The following OBP2B variants were observed in gnomAD, a reference collection of about 807,000 sequenced individuals.
The protein encoded by OBP2B is odorant-binding protein 2b.
A neutral mutation model predicts 21.7 loss-of-function variants in OBP2B; 10 were observed. That is an observed-to-expected ratio of 0.46 (90% CI 0.28 to 0.78). The LOEUF (loss-of-function observed/expected upper bound fraction) is 0.78, where lower values mean the gene tolerates loss of function less well. Ranked by LOEUF, OBP2B falls within the 30% of genes least tolerant of loss-of-function variation. The pLI, the probability that OBP2B is intolerant of heterozygous loss-of-function variation, is 0.11. For missense variants in OBP2B, 153 were observed against 217.7 expected, an observed-to-expected ratio of 0.70 and a Z score of 1.87; for synonymous variants, 73 against 91.5, an observed-to-expected ratio of 0.80 and a Z score of 1.16.
upstream of OBP2B, among the ~76,000 whole-genome samples, chr9:133,210,939 T>A (rs1833904950): frequency 6.6e-6 from 1 of 152,132 alleles, no homozygotes; most frequent in African/African-American, 2.4e-5. Flanking sequence ...CTGGGGCACT[T>A]CTCTGGATGG....
At position 133,208,373 on chromosome 9, in the gene OBP2B, C is replaced by T. The variant is rs1833812847; in HGVS notation, c.206+96G>A. Reference sequence around the variant, plus strand: ...CCTCCAAGGCAGGGGGTGACTCTTCCCAACACCCGAAACGTGGATGGGGCA... The same window carrying T: ...CCTCCAAGGCAGGGGGTGACTCTTCTCAACACCCGAAACGTGGATGGGGCA... On this transcript the variant is annotated intron_variant, in intron 2 of 6. Transcript: ENST00000372034. 5 of 1,600,616 alleles carry T rather than the reference C, an allele frequency of 3.1e-6. No individual in the cohort carries two copies. The African/African-American group carries it at 4.0e-5, about 13-fold the overall frequency.
At chr9:133,208,975 G>A (rs1833846259) in intron 1 of OBP2B, among the ~76,000 whole-genome samples, 153 bp downstream of exon 1, 1 of 152,034 alleles carries the variant, frequency 6.6e-6, no homozygotes, top group Non-Finnish European at 1.5e-5. Context: ...GTCTGCTGGA[G>A]GAACAATAGG....
chr9:133,216,085 A>G, the OBP2B span, among the ~76,000 whole-genome samples: 5 of 152,272 alleles, frequency 3.3e-5, no homozygotes, highest in South Asian at 8.3e-4. Flanking sequence ...AATTGTTAAA[A>G]TAGACTTCAT....
In OBP2B at chr9:133,208,137, G is replaced by T. The variant is rs138075975; in HGVS notation, c.273C>A (p.Ser91Arg). ...MRKTEEPGKY[S>R]AYGGRKLMYL... ...GGGAGTGGGGGAGGGGCTCACAGGC[G>T]CTGTATTTGCCAGGCTCCTCCGTCT... is the stretch of plus-strand genomic sequence containing the variant. Residue 91 changes from serine to arginine, a missense_variant, in exon 3 of 7, where the codon AGC becomes AGA. Around this residue, in one of 2 missense-constraint regions of OBP2B, gnomAD observed 151 missense variants for 186.3 expected, o/e 0.81. Coordinates refer to ENST00000372034, the MANE Select transcript of OBP2B (RefSeq NM_014581.4). 6.2e-7 allele frequency: 1 copy of T among 1,610,644 alleles called. No individual in the cohort carries two copies. The highest frequency in any genetic ancestry group is 8.5e-7 in the Non-Finnish European group (1 of 1,179,530).
At chr9:133,218,637 C>A in the OBP2B span, among the ~76,000 whole-genome samples, 2 of 152,170 alleles carry the variant, frequency 1.3e-5, no homozygotes. Flanking sequence ...TGGACACAGA[C>A]AGCGCAGGCT....
At position 133,206,573 on chromosome 9, in the gene OBP2B, A is replaced by G. The variant is rs553170814; in HGVS notation, c.389-157T>C. On this transcript the variant is annotated intron_variant, in intron 4 of 6. Transcript: ENST00000372034. The stretch of plus-strand genomic sequence containing the variant: ...GGGGGTGGGGCTGGGGACAGAGGAG[A>G]TGGCCACTGCCCAGCACCAGGACAA... 1.9e-5 allele frequency: 17 copies of G among 879,076 alleles called. No individual in the cohort carries two copies. The South Asian group carries it at 2.8e-4, about 15-fold the overall frequency. The allele number at this position is 879,076 out of a possible 1,614,324, so 54.5% of individuals were successfully genotyped here.
At position 133,207,350 on chromosome 9, in the gene OBP2B, A is replaced by C; in HGVS notation, c.278-14T>G. ...TCCTGCCCCCATCTGTAGATGACAG[A>C]GAAAATGGGTCATTCCCAGAGAGAA... On this transcript the variant is annotated splice_polypyrimidine_tract_variant and intron_variant, in intron 3 of 6. Coordinates refer to ENST00000372034, the MANE Select transcript of OBP2B (RefSeq NM_014581.4). The C allele has an allele frequency of 6.5e-7, 1 of 1,538,592 alleles. No individual in the cohort carries two copies. Among genetic ancestry groups the C allele is most frequent in the Non-Finnish European group, 9.0e-7 (1 of 1,112,688 alleles).
chr9:133,206,734 G>A (rs1324521219), intron 4 of OBP2B, among the ~76,000 whole-genome samples: 1 of 151,848 alleles, frequency 6.6e-6, no homozygotes, highest in Non-Finnish European at 1.5e-5. Context: ...TGGGGACAGA[G>A]GAGACAGTCA....
At chr9:133,220,797 C>T in the OBP2B span, among the ~76,000 whole-genome samples, 2 of 152,168 alleles carry the variant, frequency 1.3e-5, no homozygotes, top group Non-Finnish European at 2.9e-5. Flanking sequence ...TCTGGGTGGG[C>T]CCACTGTTAT....
chr9:133,211,216 G>A (rs1833912421), upstream of OBP2B, among the ~76,000 whole-genome samples: 1 of 152,242 alleles, frequency 6.6e-6, no homozygotes, highest in Admixed American at 6.5e-5. Context: ...AAGGAGCAGA[G>A]TGGGAGCTTA....
At chr9:133,207,861 C>T (rs1833789413) in intron 3 of OBP2B, 2 of 1,516,016 alleles carry the variant, frequency 1.3e-6, no homozygotes, top group African/African-American at 1.4e-5. Flanking sequence ...CCTCCTTGTC[C>T]CAATCCTCAG....
the OBP2B span, among the ~76,000 whole-genome samples, chr9:133,222,887 A>C: frequency 0.095 from 14,392 of 151,054 alleles, 1,841 homozygotes; most frequent in African/African-American, 0.29. Flanking sequence ...CCTGACCAGC[A>C]CTCTGTAACT....
At position 133,208,580 on chromosome 9, in the gene OBP2B, T is replaced by C. The variant is rs1217491742; in HGVS notation, c.95A>G (p.Lys32Arg). ...EEDITGTWYV[K>R]AMVVDKDFPE... Reference sequence around the variant, plus strand: ...AAAGTCCTTATCGACCACCATGGCCTTCACGTACCAGGTCCCTGTGATCTG... The same window carrying C: ...AAAGTCCTTATCGACCACCATGGCCCTCACGTACCAGGTCCCTGTGATCTG... Residue 32 changes from lysine (K) to arginine (R), a missense_variant, in exon 2 of 7, where the codon AAG becomes AGG. Coordinates refer to ENST00000372034, the MANE Select transcript of OBP2B (RefSeq NM_014581.4). The C allele has an allele frequency of 2.5e-6, 4 of 1,611,564 alleles. No individual in the cohort carries two copies. In the African/African-American group the frequency reaches 5.3e-5, roughly 22 times the overall value.
chr9:133,222,326 G>A, the OBP2B span, among the ~76,000 whole-genome samples: 1 of 152,242 alleles, frequency 6.6e-6, no homozygotes, highest in African/African-American at 2.4e-5. Context: ...TGTGTGTCCT[G>A]GCCAGCACCC....
the OBP2B span, among the ~76,000 whole-genome samples, chr9:133,215,675 T>C: frequency 6.6e-6 from 1 of 152,236 alleles, no homozygotes; most frequent in Admixed American, 6.5e-5. Context: ...CACACCACCA[T>C]ACCCAGCTAC....
At chr9:133,210,695 A>G (rs552427594), upstream of OBP2B, among the ~76,000 whole-genome samples, 14 of 152,220 alleles carry the variant, frequency 9.2e-5, no homozygotes, top group Non-Finnish European at 1.2e-4. Flanking sequence ...GATGCTTCAG[A>G]GAACAGGGCT....
upstream of OBP2B, among the ~76,000 whole-genome samples, chr9:133,211,789 T>C (rs553101709): frequency 6.6e-6 from 1 of 152,370 alleles, no homozygotes; most frequent in South Asian, 2.1e-4. Context: ...AATAAATTTT[T>C]GTTCTAAGCC....
chr9:133,213,122 C>A (rs575788228), upstream of OBP2B, among the ~76,000 whole-genome samples: 17 of 152,032 alleles, frequency 1.1e-4, no homozygotes, highest in Non-Finnish European at 2.4e-4. Flanking sequence ...TACCTGTAAT[C>A]CCAGCTACTT....
chr9:133,210,409 C>G (rs1235355554), upstream of OBP2B, among the ~76,000 whole-genome samples: 1 of 152,148 alleles, frequency 6.6e-6, no homozygotes, highest in Non-Finnish European at 1.5e-5. Context: ...GACCCAGTCC[C>G]TCACCCCTCC....
Sources: allele counts gnomAD v4.1 joint callset (sites outside exome capture counted in the v4.1 genomes callset), GRCh38; gene constraint gnomAD v4.1.1; regional missense constraint gnomAD v4.1.1; transcripts MANE v1.5; gene names NCBI Gene and HGNC (gene_info 2026-07-23, HGNC 2026-07-21).